Variants in SPATA22 observed in about 807,000 individuals in gnomAD.
SPATA22 encodes spermatogenesis-associated protein 22.
A neutral mutation model predicts 47.8 loss-of-function variants in SPATA22; 29 were observed. The observed-to-expected ratio is 0.61, with a 90% confidence interval of 0.45 to 0.83. SPATA22 has a LOEUF of 0.83. SPATA22 is among the 40% of genes least tolerant of loss of function. The probability of loss-of-function intolerance (pLI) is 0.00; values close to 1 mark genes in which losing one functional copy is unlikely to be tolerated. For synonymous variants in SPATA22, 133 were observed against 140.9 expected (o/e 0.94, Z 0.40); for missense variants, 410 against 421.7 (o/e 0.97, Z 0.24).
At chr17:3,468,596 G>A (rs990848100) in intron 2 of SPATA22, among the ~76,000 whole-genome samples, 1 of 152,150 alleles carries the variant, frequency 6.6e-6, no homozygotes, top group African/African-American at 2.4e-5. Flanking sequence ...GTGCCAATAT[G>A]ACATATACTG....
chr17:3,508,471 T>C (rs1428064365), intron 1 of SPATA22, among the ~76,000 whole-genome samples: 1 of 150,768 alleles, frequency 6.6e-6, no homozygotes, highest in Non-Finnish European at 1.5e-5. Context: ...TGCGGCACTA[T>C]TCACAACAGC....
At chr17:3,501,346 G>A (rs1350928594) in intron 1 of SPATA22, 1 of 152,080 alleles carries the variant, frequency 6.6e-6, no homozygotes, top group Non-Finnish European at 1.5e-5. Context: ...CAGGAGTTTG[G>A]AAAAAGTGAA....
At chr17:3,499,240 A>G in intron 1 of SPATA22, 1 of 621,750 alleles carries the variant, frequency 1.6e-6, no homozygotes, top group Non-Finnish European at 2.7e-6. Context: ...TTCTTAAATT[A>G]ATTAATATAT....
intron 1 of SPATA22, among the ~76,000 whole-genome samples, chr17:3,492,891 A>G (rs577941923): frequency 6.6e-6 from 1 of 152,332 alleles, no homozygotes; most frequent in South Asian, 2.1e-4. Context: ...AAACTTTCCA[A>G]CCAACCCACA....
intron 1 of SPATA22, among the ~76,000 whole-genome samples, chr17:3,509,402 G>A (rs182717807): frequency 1.3e-5 from 2 of 152,214 alleles, no homozygotes; most frequent in Admixed American, 1.3e-4. Flanking sequence ...ACTTATGAGT[G>A]AGAACATGTG....
At chr17:3,489,485 G>A (rs2073785778) in intron 1 of SPATA22, 3 of 630,184 alleles carry the variant, frequency 4.8e-6, no homozygotes, top group Non-Finnish European at 8.4e-6. Context: ...CCAATGGCCA[G>A]GATAGACACA....
chr17:3,484,061 G>A lies in SPATA22; in HGVS notation c.-73-14663C>T, dbSNP rs572062578. 1.4e-4 allele frequency among the ~76,000 whole-genome samples: 22 copies of A among 152,226 alleles called. No homozygotes were observed. In the East Asian group the frequency reaches 2.1e-3, roughly 15 times the overall value. On this transcript the variant is annotated intron_variant, in intron 1 of 8. Coordinates refer to the SPATA22 transcript ENST00000541913. ...GCTCCAGGCAGGCTCTAATTGTACC[G>A]AATTTCCCCAATTTCACTGAGCAGC... is the stretch of plus-strand genomic sequence containing the variant.
At chr17:3,472,382 C>G (rs1160889772), upstream of SPATA22, 1 of 152,360 alleles carries the variant, frequency 6.6e-6, no homozygotes, top group African/African-American at 2.4e-5. Context: ...GCAGGGGAAG[C>G]CGCGTGGTGT....
intron 1 of SPATA22, chr17:3,503,145 C>T (rs1328217346): frequency 6.6e-6 from 1 of 152,042 alleles, no homozygotes; most frequent in Non-Finnish European, 1.5e-5. Flanking sequence ...ATCTGTACCC[C>T]CAATGAATCC....
intron 2 of SPATA22, 108 bp downstream of exon 2, chr17:3,469,175 A>G (rs767540831): frequency 1.3e-5 from 7 of 557,160 alleles, no homozygotes; most frequent in Non-Finnish European, 2.1e-5. Context: ...TAAAGAGGCT[A>G]GATTAACTGT....
chr17:3,509,216 G>C (rs549398016), intron 1 of SPATA22, among the ~76,000 whole-genome samples: 1 of 152,096 alleles, frequency 6.6e-6, no homozygotes, highest in Non-Finnish European at 1.5e-5. Flanking sequence ...AAAAAAAAGG[G>C]GGGGATACAG....
intron 3 of SPATA22, among the ~76,000 whole-genome samples, chr17:3,464,174 G>C (rs1450008016): frequency 1.3e-5 from 2 of 152,210 alleles, no homozygotes; most frequent in East Asian, 3.9e-4. Context: ...GTGGAGACGG[G>C]TTTCGCTGTG....
chr17:3,471,555 C>A (rs900818772), intron 1 of SPATA22, 127 bp downstream of exon 1: 56 of 982,770 alleles, frequency 5.7e-5, no homozygotes, highest in Admixed American at 1.2e-4. Flanking sequence ...ACCACGGCCT[C>A]AAATGGCGGC....
intron 5 of SPATA22, 24 bp from the exon 6 acceptor site, chr17:3,449,173 A>T (rs2072799873): frequency 3.4e-6 from 5 of 1,462,142 alleles, no homozygotes; most frequent in Non-Finnish European, 4.6e-6. Flanking sequence ...AAAAAAAAGC[A>T]TTTGTTTCTA....
chr17:3,464,802 AGTGAGGAGCCCCTCCGCCCGGCAGCCAC>A (rs2073242271), intron 3 of SPATA22, among the ~76,000 whole-genome samples: 2 of 123,880 alleles, frequency 1.6e-5, no homozygotes. Flanking sequence ...CCGTCTGAGA[AGTGAGGAGCCCCTCCGCCCGGCAGCCAC>A]CCCGTCTGGG....
chr17:3,486,742 A>G (rs993447309), intron 1 of SPATA22, among the ~76,000 whole-genome samples: 2 of 152,252 alleles, frequency 1.3e-5, no homozygotes, highest in Admixed American at 6.5e-5. Flanking sequence ...GGCAAACAAT[A>G]TAAATAAATT....
chr17:3,453,383 GTTATAC>G (rs2072908101), intron 5 of SPATA22, among the ~76,000 whole-genome samples: 1 of 152,024 alleles, frequency 6.6e-6, no homozygotes, highest in South Asian at 2.1e-4. Context: ...ATCAATCAAT[GTTATAC>G]ACCACAGTAG....
At chr17:3,456,526 T>C (rs1257029991) in intron 5 of SPATA22, among the ~76,000 whole-genome samples, 2 of 151,652 alleles carry the variant, frequency 1.3e-5, no homozygotes, top group African/African-American at 4.9e-5. Context: ...AATAGACCAA[T>C]AACAGGAGCT....
At chr17:3,502,337 G>C (rs1253484850) in intron 1 of SPATA22, 1 of 152,218 alleles carries the variant, frequency 6.6e-6, no homozygotes, top group African/African-American at 2.4e-5. Context: ...AATATGTGTG[G>C]CTCATCTGTT....
Sources: allele counts gnomAD v4.1 joint callset (sites outside exome capture counted in the v4.1 genomes callset), GRCh38; gene constraint gnomAD v4.1.1; transcripts MANE v1.5; gene names NCBI Gene and HGNC (gene_info 2026-07-23, HGNC 2026-07-21).